Variants in STXBP3 observed in about 807,000 individuals in gnomAD.
The protein encoded by STXBP3 is syntaxin-binding protein 3.
A neutral mutation model predicts 85.7 loss-of-function variants in STXBP3; 41 were observed. The ratio of observed to expected loss-of-function variants is 0.48; its 90% CI spans 0.37 to 0.62. STXBP3 has a LOEUF of 0.62. STXBP3 is among the 20% of genes least tolerant of loss of function. STXBP3 has a pLI of 0.00. For missense variants in STXBP3, 563 were observed against 703.1 expected (o/e 0.80, Z 2.25); for synonymous variants, 229 against 231.7 (o/e 0.99, Z 0.10).
chr1:108,794,541 C>G (rs926567661), intron 12 of STXBP3, among the ~76,000 whole-genome samples: 1 of 152,310 alleles, frequency 6.6e-6, no homozygotes, highest in South Asian at 2.1e-4. Context: ...TGGGGAAAAT[C>G]ACTCCCATCA....
chr1:108,798,083 G>GT, intron 15 of STXBP3, 62 bp from the exon 16 acceptor site: 1 of 1,289,494 alleles, frequency 7.8e-7, no homozygotes, highest in Non-Finnish European at 1.1e-6. Flanking sequence ...GTTAGGAAAC[G>GT]TAAGAGTATT....
rs770222510 is a variant in STXBP3 at position 108,779,390 on chromosome 1, A to T, written c.789A>T (p.Pro263=). The T allele has an allele frequency of 6.2e-7, 1 of 1,611,674 alleles. No homozygotes were observed. Among genetic ancestry groups the T allele is most frequent in the Non-Finnish European group, 8.5e-7 (1 of 1,178,610 alleles). Residue 263 remains proline (P), a synonymous_variant, in exon 9 of 19, where the codon CCA becomes CCT. Coordinates refer to ENST00000370008, the MANE Select transcript of STXBP3 (RefSeq NM_007269.4). The part of the protein sequence containing the change: ...TFQAMAYDLL[P]IENDTYKYKT... ...AGGCAATGGCATATGATCTACTACC[A>T]ATTGAGAATGATACATACAAGCAAG...
chr1:108,808,023 T>C (rs897887290), intron 18 of STXBP3, among the ~76,000 whole-genome samples: 1 of 152,248 alleles, frequency 6.6e-6, no homozygotes, highest in African/African-American at 2.4e-5. Context: ...TTTTTCCTAG[T>C]TGACTTTTTG....
chr1:108,757,190 T>A (rs1386899969), intron 4 of STXBP3, among the ~76,000 whole-genome samples: 1 of 152,038 alleles, frequency 6.6e-6, no homozygotes, highest in African/African-American at 2.4e-5. Context: ...ATGTATATAT[T>A]TTATGTGAAA....
intron 1 of STXBP3, among the ~76,000 whole-genome samples, chr1:108,748,589 T>A (rs980392237): frequency 6.6e-6 from 1 of 151,996 alleles, no homozygotes; most frequent in Non-Finnish European, 1.5e-5. Context: ...TACAGCACTT[T>A]GGGAGGCCAA....
chr1:108,761,984 G>A, intron 6 of STXBP3, among the ~76,000 whole-genome samples: 1 of 151,834 alleles, frequency 6.6e-6, no homozygotes, highest in East Asian at 1.9e-4. Context: ...AAAAAAAAAA[G>A]AGGTTCTACT....
chr1:108,757,585 A>G (rs1267767747), intron 4 of STXBP3, among the ~76,000 whole-genome samples: 1 of 150,932 alleles, frequency 6.6e-6, no homozygotes, highest in Non-Finnish European at 1.5e-5. Context: ...GGGATTTAAA[A>G]TATATATATA....
rs375222072 is a variant in STXBP3 at position 108,793,627 on chromosome 1, T to G, written c.1009T>G (p.Phe337Val). 1.2e-6 allele frequency: 2 copies of G among 1,611,926 alleles called. No individual in the cohort carries two copies. The highest frequency in any genetic ancestry group is 1.3e-5 in the African/African-American group (1 of 74,844). The change falls in exon 12 of 19, where the codon TTC becomes GTC. Residue 337 changes from phenylalanine to valine, a missense_variant. Phe to Val is a conservative substitution (Grantham distance 50, BLOSUM62 -1). Around this residue, in one of 3 missense-constraint regions of STXBP3, gnomAD observed 494 missense variants for 592.8 expected, o/e 0.83. Transcript: ENST00000370008. Reference protein sequence around the residue: ...LTQLMKKMPHFRKQITKQVVH... With the variant: ...LTQLMKKMPHVRKQITKQVVH... ...CCAGCTGATGAAAAAGATGCCCCAT[T>G]TCCGAAAACAGATTACTAAGGTAAG...
At chr1:108,793,429 C>T (rs1663020824) in intron 11 of STXBP3, among the ~76,000 whole-genome samples, 153 bp from the exon 12 acceptor site, 1 of 151,954 alleles carries the variant, frequency 6.6e-6, no homozygotes, top group African/African-American at 2.4e-5. Context: ...GTGAGTGAAA[C>T]TGGAAGCCTC....
intron 6 of STXBP3, among the ~76,000 whole-genome samples, chr1:108,762,738 A>G (rs544911707): frequency 1.3e-5 from 2 of 152,242 alleles, no homozygotes; most frequent in South Asian, 2.1e-4. Context: ...ATTTGCCACC[A>G]TCATGTTGAA....
chr1:108,761,414 G>A (rs555367371), intron 6 of STXBP3, among the ~76,000 whole-genome samples: 2 of 152,212 alleles, frequency 1.3e-5, no homozygotes, highest in East Asian at 1.9e-4. Context: ...AGAACATCTC[G>A]CTTCACAGAA....
In STXBP3 at chr1:108,746,711, TG is replaced by T. The variant is rs1661787177; in HGVS notation, c.-25del. The stretch of plus-strand genomic sequence containing the variant: ...AAAGTAGGTTGGGAGTGGAAGGTGG[TG>T]GCTGCTGCTCCGCAGTGTCGGGAAG... On this transcript the variant is annotated 5_prime_UTR_variant, in exon 1 of 19. Transcript: ENST00000370008. The T allele has an allele frequency of 6.5e-7, 1 of 1,547,554 alleles. No individual in the cohort carries two copies. The highest frequency in any genetic ancestry group is 1.4e-5 in the African/African-American group (1 of 72,522).
In STXBP3 at chr1:108,772,370, A is replaced by G. The variant is rs192189944; in HGVS notation, c.439-295A>G. 9.9e-4 allele frequency among the ~76,000 whole-genome samples: 51 copies of G among 51,734 alleles called. 9 individuals are homozygous for G. The highest frequency in any genetic ancestry group is 6.7e-3 in the East Asian group (30 of 4,454). The allele number at this position is 51,734 out of a possible 152,430, so 33.9% of individuals were successfully genotyped here. ...ACATATGATATCTGTATCATATATAAATACATATGATATCTGTATATATAA... is the reference window on the plus strand; with the variant it reads ...ACATATGATATCTGTATCATATATAGATACATATGATATCTGTATATATAA... On this transcript the variant is annotated intron_variant, in intron 6 of 18. Transcript: ENST00000370008.
At chr1:108,758,714 G>A in intron 5 of STXBP3, 126 bp downstream of exon 5, 1 of 413,018 alleles carries the variant, frequency 2.4e-6, no homozygotes, top group East Asian at 3.8e-5. Flanking sequence ...TTTCAGTCCT[G>A]GTGATTTTCT....
At chr1:108,784,843 C>G (rs1274998364) in intron 11 of STXBP3, among the ~76,000 whole-genome samples, 2 of 152,200 alleles carry the variant, frequency 1.3e-5, no homozygotes, top group Non-Finnish European at 2.9e-5. Context: ...AACAGAGGGG[C>G]TTACAGGCCC....
chr1:108,789,199 G>A (rs565729783), intron 11 of STXBP3, among the ~76,000 whole-genome samples: 1 of 152,116 alleles, frequency 6.6e-6, no homozygotes, highest in Admixed American at 6.5e-5. Flanking sequence ...CCTTCCTTCA[G>A]CTTACTTTGT....
chr1:108,748,604 G>C (rs1269807801), intron 1 of STXBP3, among the ~76,000 whole-genome samples: 1 of 152,182 alleles, frequency 6.6e-6, no homozygotes, highest in East Asian at 1.9e-4. Context: ...GGCCAAAGCA[G>C]GTGGATTGCT....
At chr1:108,757,838 A>G (rs1453336533) in intron 4 of STXBP3, among the ~76,000 whole-genome samples, 1 of 152,104 alleles carries the variant, frequency 6.6e-6, no homozygotes, top group Non-Finnish European at 1.5e-5. Flanking sequence ...AGCATTAATA[A>G]ATAATAGACC....
chr1:108,778,717 TTC>T (rs1662643184), intron 8 of STXBP3, among the ~76,000 whole-genome samples: 1 of 152,226 alleles, frequency 6.6e-6, no homozygotes, highest in African/African-American at 2.4e-5. Context: ...TGGAACTCAA[TTC>T]ATAAGAAAAT....
Sources: gnomAD v4.1 joint callset for allele counts (sites outside exome capture counted in the v4.1 genomes callset) on GRCh38, gnomAD v4.1.1 for gene constraint, gnomAD v4.1.1 regional missense constraint, MANE v1.5 for transcripts, NCBI Gene and HGNC (gene_info 2026-07-23, HGNC 2026-07-21) for gene names.